DYNLRB1: variants seen among roughly 807,000 people sequenced by gnomAD.
The protein encoded by DYNLRB1 is ROBL/LC7-like 1.
A neutral mutation model predicts 13.5 loss-of-function variants in DYNLRB1; 6 were observed. The ratio of observed to expected loss-of-function variants is 0.44; its 90% CI spans 0.24 to 0.88. DYNLRB1 has a LOEUF of 0.88. Ranked by LOEUF, DYNLRB1 falls within the 40% of genes least tolerant of loss-of-function variation. The probability of loss-of-function intolerance (pLI) is 0.21; values close to 1 mark genes in which losing one functional copy is unlikely to be tolerated. For missense variants in DYNLRB1, 93 were observed against 127.2 expected, an observed-to-expected ratio of 0.73 and a Z score of 1.29; for synonymous variants, 43 against 45.0, an observed-to-expected ratio of 0.96 and a Z score of 0.18.
At chr20:34,537,057 T>C (rs1469994005) in intron 3 of DYNLRB1, among the ~76,000 whole-genome samples, 1 of 152,150 alleles carries the variant, frequency 6.6e-6, no homozygotes, top group Non-Finnish European at 1.5e-5. Context: ...CTGTGGTTGG[T>C]GCTTGAGTCC....
chr20:34,517,357 C>T (rs996469698), intron 1 of DYNLRB1, among the ~76,000 whole-genome samples: 1 of 151,970 alleles, frequency 6.6e-6, no homozygotes, highest in African/African-American at 2.4e-5. Context: ...CAGTTTAGCC[C>T]CTATTGAATG....
At chr20:34,519,717 TG>T (rs576780927) in intron 1 of DYNLRB1, among the ~76,000 whole-genome samples, 741 of 152,332 alleles carry the variant, frequency 4.9e-3, no homozygotes, top group Non-Finnish European at 8.6e-3. Context: ...CTGCAGTAAC[TG>T]TTCTTGTCTT....
At chr20:34,516,743 T>G in intron 1 of DYNLRB1, 1 of 1,547,806 alleles carries the variant, frequency 6.5e-7, no homozygotes, top group Non-Finnish European at 8.7e-7. Context: ...GCGGCGGCCC[T>G]GCAGCCTAGA....
chr20:34,519,347 C>A (rs1979525042), intron 1 of DYNLRB1, among the ~76,000 whole-genome samples: 1 of 152,058 alleles, frequency 6.6e-6, no homozygotes, highest in South Asian at 2.1e-4. Context: ...TGCATAAGCA[C>A]ATTTATGTAT....
Position 34,534,664 on chromosome 20 carries a change from C to T in DYNLRB1, c.116C>T (p.Thr39Ile), listed in dbSNP as rs779286780. 1.3e-6 allele frequency: 2 copies of T among 1,587,586 alleles called. No individual in the cohort carries two copies. The highest frequency in any genetic ancestry group is 2.7e-5 in the African/African-American group (2 of 74,634). The change falls in exon 3 of 4, where the codon ACC (threonine) becomes ATC (isoleucine). Residue 39 changes from threonine to isoleucine, a missense_variant. By Grantham distance (89) the Thr-to-Ile change is moderately conservative (BLOSUM62 -1). Coordinates refer to ENST00000357156, the MANE Select transcript of DYNLRB1 (RefSeq NM_014183.4). ...PIKSTMDNPT[T>I]TQYASLMHSF... ...AAGAGCACCATGGACAACCCCACCA[C>T]CACCCAGTATGCCAGCCTCATGCAC...
At chr20:34,518,029 G>A (rs1979399486) in intron 1 of DYNLRB1, among the ~76,000 whole-genome samples, 1 of 152,050 alleles carries the variant, frequency 6.6e-6, no homozygotes, top group African/African-American at 2.4e-5. Flanking sequence ...GAGGATGTAG[G>A]GATGCCTTTG....
At chr20:34,527,680 G>A (rs112796556) in intron 2 of DYNLRB1, among the ~76,000 whole-genome samples, 6 of 152,300 alleles carry the variant, frequency 3.9e-5, no homozygotes, top group African/African-American at 9.6e-5. Context: ...GTGTGTTTAC[G>A]AAGCACCCCA....
At chr20:34,530,301 A>G (rs1057038122) in intron 2 of DYNLRB1, 2 of 1,003,728 alleles carry the variant, frequency 2.0e-6, no homozygotes, top group Non-Finnish European at 1.2e-6. Context: ...GGAATGCAGA[A>G]TGAGCCCACC....
intron 3 of DYNLRB1, among the ~76,000 whole-genome samples, chr20:34,539,281 C>G (rs1981404898): frequency 6.6e-6 from 1 of 152,226 alleles, no homozygotes; most frequent in South Asian, 2.1e-4. Flanking sequence ...TTCCTCCTTA[C>G]AGGGCCAGAT....
chr20:34,535,086 A>G lies in DYNLRB1; in HGVS notation c.247+291A>G, dbSNP rs151213765. ...AGGAGAAAACTCAAAGGCATTTGGGACATAGAGGAGGGTGTGGCCAGGCCT... is the reference window on the plus strand; with the variant it reads ...AGGAGAAAACTCAAAGGCATTTGGGGCATAGAGGAGGGTGTGGCCAGGCCT... On this transcript the variant is annotated intron_variant, in intron 3 of 3. Transcript: ENST00000357156. 4,530 of 985,384 alleles carry G rather than the reference A, an allele frequency of 4.6e-3. 17 individuals are homozygous for G. Among genetic ancestry groups the G allele is most frequent in the South Asian group, 0.013 (276 of 21,282 alleles). 61.0% of individuals were successfully genotyped at this position (985,384 alleles called of 1,614,324 possible). A position where few individuals can be genotyped will look rare whatever the true frequency, so the allele number is the denominator to read the frequency against.
chr20:34,521,005 G>A (rs1979660655), intron 1 of DYNLRB1, among the ~76,000 whole-genome samples: 1 of 151,878 alleles, frequency 6.6e-6, no homozygotes, highest in East Asian at 1.9e-4. Flanking sequence ...CCTCAGCATT[G>A]CTATAATTTT....
chr20:34,516,987 CTTG>C (rs1979278904), intron 1 of DYNLRB1: 1 of 1,274,168 alleles, frequency 7.8e-7, no homozygotes, highest in South Asian at 2.8e-5. Context: ...ACCCTAGAAG[CTTG>C]ACGGCCGCCA....
intron 2 of DYNLRB1, chr20:34,530,031 C>T: frequency 8.0e-7 from 1 of 1,254,896 alleles, no homozygotes; most frequent in Non-Finnish European, 1.0e-6. Context: ...ACCTGAAAGA[C>T]TTTTGTCACT....
intron 3 of DYNLRB1, among the ~76,000 whole-genome samples, chr20:34,537,691 TCAGGATGGCTACAGAACA>T (rs1205703892): frequency 2.6e-5 from 4 of 152,186 alleles, no homozygotes; most frequent in Non-Finnish European, 5.9e-5. Context: ...CTGAATTGCC[TCAGGATGGCTACAGAACA>T]CAGGACCCAG....
intron 2 of DYNLRB1, among the ~76,000 whole-genome samples, chr20:34,529,261 T>C (rs1980509338): frequency 6.6e-6 from 1 of 152,230 alleles, no homozygotes; most frequent in Non-Finnish European, 1.5e-5. Flanking sequence ...CCCCAAATTC[T>C]CTAGCCCAGT....
At chr20:34,529,279 G>T (rs1185814198) in intron 2 of DYNLRB1, among the ~76,000 whole-genome samples, 1 of 152,256 alleles carries the variant, frequency 6.6e-6, no homozygotes, top group Non-Finnish European at 1.5e-5. Context: ...AGTGTATTCA[G>T]TGGGCTCTAA....
At chr20:34,528,548 TG>T (rs1389277538) in intron 2 of DYNLRB1, among the ~76,000 whole-genome samples, 1 of 152,148 alleles carries the variant, frequency 6.6e-6, no homozygotes, top group Non-Finnish European at 1.5e-5. Context: ...CCAACCACAG[TG>T]GGTGTTGCCA....
chr20:34,540,729 C>CG lies in DYNLRB1; in HGVS notation c.*105_*106insG. ...GCACATGGCAGTCGCTTGGAACCCA[C>CG]TCACACCAATCCAGTGACCGTGTGT... On this transcript the variant is annotated 3_prime_UTR_variant, in exon 4 of 4. Transcript: ENST00000357156. The CG allele has an allele frequency of 8.3e-7, 1 of 1,207,714 alleles. No homozygotes were observed. Among genetic ancestry groups the CG allele is most frequent in the Non-Finnish European group, 1.2e-6 (1 of 831,138 alleles). 74.8% of individuals were successfully genotyped at this position (1,207,714 alleles called of 1,614,324 possible). A position where few individuals can be genotyped will look rare whatever the true frequency, so the allele number is the denominator to read the frequency against.
At chr20:34,516,749 C>G (rs1269746014) in intron 1 of DYNLRB1, 3 of 1,549,108 alleles carry the variant, frequency 1.9e-6, no homozygotes, top group Non-Finnish European at 2.6e-6. Context: ...GCCCTGCAGC[C>G]TAGAGTTTTG....
Sources: allele counts gnomAD v4.1 joint callset (sites outside exome capture counted in the v4.1 genomes callset), GRCh38; gene constraint gnomAD v4.1.1; transcripts MANE v1.5; gene names NCBI Gene and HGNC (gene_info 2026-07-23, HGNC 2026-07-21).